Variants in TRERF1 observed in about 807,000 individuals in gnomAD.
The protein encoded by TRERF1 is transcriptional-regulating factor 1.
In TRERF1, 27 loss-of-function variants were observed where a neutral mutation model predicts 122.9. The ratio of observed to expected loss-of-function variants is 0.22; its 90% CI spans 0.16 to 0.30. The LOEUF (loss-of-function observed/expected upper bound fraction) is 0.30, where lower values mean the gene tolerates loss of function less well. TRERF1 is among the 10% of genes least tolerant of loss of function. The pLI, the probability that TRERF1 is intolerant of heterozygous loss-of-function variation, is 1.00. For synonymous variants in TRERF1, 636 were observed against 641.7 expected, an observed-to-expected ratio of 0.99 and a Z score of 0.13; for missense variants, 1,248 against 1,560.3, an observed-to-expected ratio of 0.80 and a Z score of 3.37.
At chr6:42,405,773 C>T (rs181221897) in intron 2 of TRERF1, among the ~76,000 whole-genome samples, 94 of 141,250 alleles carry the variant, frequency 6.7e-4, no homozygotes, top group African/African-American at 2.2e-3. Flanking sequence ...CTATCCTGGG[C>T]GATAGAGCCA....
chr6:42,300,399 GAAT>G (rs1004967682), intron 4 of TRERF1, among the ~76,000 whole-genome samples: 1 of 152,162 alleles, frequency 6.6e-6, no homozygotes, highest in African/African-American at 2.4e-5. Flanking sequence ...GGTGGTGGAA[GAAT>G]AATAAGAGCT....
intron 3 of TRERF1, among the ~76,000 whole-genome samples, chr6:42,338,112 T>C (rs934710612): frequency 3.3e-5 from 5 of 152,036 alleles, no homozygotes; most frequent in African/African-American, 1.2e-4. Flanking sequence ...TGGCTTACAT[T>C]TTTCTGATCA....
At chr6:42,280,622 C>T (rs1782138404) in intron 4 of TRERF1, among the ~76,000 whole-genome samples, 2 of 152,176 alleles carry the variant, frequency 1.3e-5, no homozygotes, top group East Asian at 1.9e-4. Context: ...CTTCATGGTG[C>T]TATGGGAGGC....
At chr6:42,389,528 A>G (rs1454553486) in intron 2 of TRERF1, among the ~76,000 whole-genome samples, 1 of 152,210 alleles carries the variant, frequency 6.6e-6, no homozygotes, top group Non-Finnish European at 1.5e-5. Flanking sequence ...ATAAGACTGG[A>G]CCAGTGACCC....
intron 2 of TRERF1, among the ~76,000 whole-genome samples, chr6:42,449,883 A>G (rs543901503): frequency 2.0e-5 from 3 of 152,362 alleles, no homozygotes; most frequent in African/African-American, 7.2e-5. Context: ...ACCCTGCTAG[A>G]ACAGAGCCTG....
intron 3 of TRERF1, among the ~76,000 whole-genome samples, chr6:42,317,005 C>T (rs1208883260): frequency 6.6e-6 from 1 of 152,150 alleles, no homozygotes; most frequent in East Asian, 1.9e-4. Flanking sequence ...CTGACTCTAC[C>T]TGGACCTGGG....
chr6:42,447,849 C>T (rs1787806957), intron 2 of TRERF1, among the ~76,000 whole-genome samples: 1 of 152,096 alleles, frequency 6.6e-6, no homozygotes, highest in Non-Finnish European at 1.5e-5. Flanking sequence ...GGATTACAGA[C>T]CCCCACCATC....
Sources: gnomAD v4.1 joint callset for allele counts (sites outside exome capture counted in the v4.1 genomes callset) on GRCh38, gnomAD v4.1.1 for gene constraint, MANE v1.5 for transcripts, NCBI Gene and HGNC (gene_info 2026-07-23, HGNC 2026-07-21) for gene names.